DOCK4: variants seen among roughly 807,000 people sequenced by gnomAD.
The protein encoded by DOCK4 is dedicator of cytokinesis 4, also known as dedicator of cytokinesis protein 4.
DOCK4 carries 97 observed loss-of-function variants against 268.1 expected under a neutral mutation model. That is an observed-to-expected ratio of 0.36 (90% CI 0.31 to 0.43). DOCK4 has a LOEUF of 0.43. Ranked by LOEUF, DOCK4 falls within the 20% of genes least tolerant of loss-of-function variation. DOCK4 has a pLI of 1.00. For missense variants in DOCK4, 2,145 were observed against 2,455.7 expected (o/e 0.87, Z 2.67); for synonymous variants, 954 against 887.2 (o/e 1.08, Z -1.34).
intron 44 of DOCK4, among the ~76,000 whole-genome samples, chr7:111,742,379 C>G (rs116083472): frequency 0.011 from 1,732 of 152,240 alleles, 35 homozygotes; most frequent in African/African-American, 0.039. Context: ...TCCTACTCCC[C>G]CAGGCTTCTT....
chr7:111,799,834 G>C (rs1045459484), intron 30 of DOCK4, among the ~76,000 whole-genome samples: 1 of 152,058 alleles, frequency 6.6e-6, no homozygotes. Flanking sequence ...TTACATCTTG[G>C]CAAGTAAAGA....
Position 111,847,082 on chromosome 7 carries a change from T to C in DOCK4, c.2518A>G (p.Ile840Val), listed in dbSNP as rs756389773. ...AGGTCCTTCTGTTCTTGCAAGTGAATGTGGAGGTGATGTAACACGACAGGC... is the reference window on the plus strand; with the variant it reads ...AGGTCCTTCTGTTCTTGCAAGTGAACGTGGAGGTGATGTAACACGACAGGC... The part of the protein sequence containing the change: ...LLPVVLHHLH[I>V]HLQEQKDLIM... Residue 840 changes from isoleucine (I) to valine (V), a missense_variant, in exon 24 of 53, where the codon ATT (isoleucine) becomes GTT (valine). Around this residue, in one of 2 missense-constraint regions of DOCK4, gnomAD observed 1,598 missense variants for 1,986.7 expected, o/e 0.80. Transcript: ENST00000428084. 1 of 1,613,862 alleles carries C rather than the reference T, an allele frequency of 6.2e-7. No homozygotes were observed. Among genetic ancestry groups the C allele is most frequent in the Non-Finnish European group, 8.5e-7 (1 of 1,179,788 alleles).
intron 36 of DOCK4, among the ~76,000 whole-genome samples, chr7:111,773,854 CAA>C (rs1024584197): frequency 1.4e-5 from 2 of 140,188 alleles, no homozygotes; most frequent in Non-Finnish European, 1.6e-5. Context: ...CTGTCCCTAC[CAA>C]AAAAAAAAAA....
At chr7:112,106,455 T>C (rs1811154864) in intron 1 of DOCK4, among the ~76,000 whole-genome samples, 1 of 152,190 alleles carries the variant, frequency 6.6e-6, no homozygotes, top group African/African-American at 2.4e-5. Context: ...GGCATTCTTT[T>C]TAGCATGCAG....
intron 1 of DOCK4, among the ~76,000 whole-genome samples, chr7:112,201,672 G>A (rs546186862): frequency 6.6e-6 from 1 of 151,956 alleles, no homozygotes; most frequent in Non-Finnish European, 1.5e-5. Context: ...GGGAGGAATG[G>A]GGGGGTGTGC....
chr7:112,040,053 G>T (rs1211725429), intron 1 of DOCK4, among the ~76,000 whole-genome samples: 2 of 152,100 alleles, frequency 1.3e-5, no homozygotes, highest in Non-Finnish European at 1.5e-5. Context: ...CACTACCTGG[G>T]AAAATAGACT....
Position 111,933,119 on chromosome 7 carries a change from CATATATATACGTATATACACAT to C in DOCK4, c.1066+2399_1066+2420del, listed in dbSNP as rs1562904454. ...ATACACATATATATACGTATATACA[CATATATATACGTATATACACAT>C]ATATATACGTATATACACATATATA... On this transcript the variant is annotated intron_variant, in intron 12 of 52. Transcript: ENST00000428084. Among the ~76,000 whole-genome samples, 544 of 106,396 alleles carry C rather than the reference CATATATATACGTATATACACAT, an allele frequency of 5.1e-3. 31 individuals are homozygous for C. The highest frequency in any genetic ancestry group is 0.011 in the African/African-American group (293 of 26,810). 69.8% of individuals were successfully genotyped at this position (106,396 alleles called of 152,430 possible).
intron 17 of DOCK4, among the ~76,000 whole-genome samples, chr7:111,875,195 A>G (rs948927954): frequency 1.4e-4 from 21 of 152,206 alleles, no homozygotes; most frequent in African/African-American, 5.1e-4. Context: ...AGATGAGCCA[A>G]TCATTGCATG....
At chr7:112,093,453 G>A (rs1319027118) in intron 1 of DOCK4, among the ~76,000 whole-genome samples, 3 of 151,984 alleles carry the variant, frequency 2.0e-5, no homozygotes, top group African/African-American at 7.3e-5. Context: ...TTAAAGGGGG[G>A]GGGAAACAAT....
intron 11 of DOCK4, among the ~76,000 whole-genome samples, chr7:111,939,654 G>T (rs1024415383): frequency 1.3e-5 from 2 of 152,124 alleles, no homozygotes; most frequent in Non-Finnish European, 1.5e-5. Context: ...GCAACCTCAG[G>T]CATAAATGGG....
intron 22 of DOCK4, among the ~76,000 whole-genome samples, chr7:111,867,780 A>G (rs983436286): frequency 2.0e-5 from 3 of 152,164 alleles, no homozygotes; most frequent in African/African-American, 7.2e-5. Flanking sequence ...CAGAGAGAGA[A>G]GGGAAAGGCA....
At chr7:111,795,739 G>A (rs1313671046) in intron 30 of DOCK4, among the ~76,000 whole-genome samples, 2 of 152,188 alleles carry the variant, frequency 1.3e-5, no homozygotes, top group Non-Finnish European at 2.9e-5. Context: ...CCTCTGAACA[G>A]GGTCCTGCCT....
intron 38 of DOCK4, among the ~76,000 whole-genome samples, chr7:111,765,735 G>A (rs940679479): frequency 6.6e-6 from 1 of 152,174 alleles, no homozygotes; most frequent in Non-Finnish European, 1.5e-5. Context: ...GTTGGGCAAG[G>A]ATAAAACAAC....
At chr7:112,176,706 A>AAGT (rs1818542852) in intron 1 of DOCK4, among the ~76,000 whole-genome samples, 1 of 152,242 alleles carries the variant, frequency 6.6e-6, no homozygotes, top group Non-Finnish European at 1.5e-5. Context: ...AACAATATGG[A>AAGT]AACTGACTCA....
intron 8 of DOCK4, among the ~76,000 whole-genome samples, chr7:111,951,165 C>G (rs1285404406): frequency 6.6e-6 from 1 of 152,158 alleles, no homozygotes; most frequent in African/African-American, 2.4e-5. Context: ...AACCTTTCTT[C>G]TTCCAACAAT....
At chr7:112,161,382 G>A (rs1237463732) in intron 1 of DOCK4, among the ~76,000 whole-genome samples, 1 of 152,126 alleles carries the variant, frequency 6.6e-6, no homozygotes, top group Non-Finnish European at 1.5e-5. Context: ...AATCTGGCCA[G>A]ACACATAGTA....
intron 8 of DOCK4, among the ~76,000 whole-genome samples, chr7:111,947,054 A>G (rs755533813): frequency 1.3e-5 from 2 of 152,238 alleles, no homozygotes; most frequent in African/African-American, 2.4e-5. Context: ...GTCTCAGGCA[A>G]TGAGCACACA....
intron 8 of DOCK4, chr7:111,971,664 C>T: frequency 4.2e-6 from 1 of 239,402 alleles, no homozygotes; most frequent in Admixed American, 5.6e-5. Context: ...TTCTTCTCAG[C>T]CTGGGCCAAC....
At chr7:111,822,661 C>CT (rs540902603) in intron 26 of DOCK4, among the ~76,000 whole-genome samples, 1 of 152,112 alleles carries the variant, frequency 6.6e-6, no homozygotes, top group Non-Finnish European at 1.5e-5. Flanking sequence ...GTTTTCTTTT[C>CT]TTTCTTGGGC....
Sources: allele counts gnomAD v4.1 joint callset (sites outside exome capture counted in the v4.1 genomes callset), GRCh38; gene constraint gnomAD v4.1.1; regional missense constraint gnomAD v4.1.1; transcripts MANE v1.5; gene names NCBI Gene and HGNC (gene_info 2026-07-23, HGNC 2026-07-21).